YEATS2: variants seen among roughly 807,000 people sequenced by gnomAD.
The protein encoded by YEATS2 is YEATS domain containing 2.
Under a neutral mutation model 163.2 loss-of-function variants are expected in YEATS2, and 77 were observed. The ratio of observed to expected loss-of-function variants is 0.47; its 90% CI spans 0.39 to 0.57. YEATS2 has a LOEUF of 0.57. Ranked by LOEUF, YEATS2 falls within the 20% of genes least tolerant of loss-of-function variation. The pLI, the probability that YEATS2 is intolerant of heterozygous loss-of-function variation, is 0.00. For missense variants in YEATS2, 1,549 were observed against 1,729.8 expected, an observed-to-expected ratio of 0.90 and a Z score of 1.85; for synonymous variants, 631 against 645.1, an observed-to-expected ratio of 0.98 and a Z score of 0.33.
At chr3:183,745,927 A>T (rs561795011) in intron 8 of YEATS2, among the ~76,000 whole-genome samples, 2 of 152,070 alleles carry the variant, frequency 1.3e-5, no homozygotes, top group Non-Finnish European at 2.9e-5. Context: ...AACTTCCTGG[A>T]TTCAAGCAAT....
At chr3:183,749,702 C>T (rs189807364) in intron 9 of YEATS2, among the ~76,000 whole-genome samples, 2 of 152,298 alleles carry the variant, frequency 1.3e-5, no homozygotes, top group African/African-American at 4.8e-5. Context: ...AGTGCAATCA[C>T]GGCTCACTGC....
intron 2 of YEATS2, among the ~76,000 whole-genome samples, chr3:183,716,469 T>C (rs1715891828): frequency 6.6e-6 from 1 of 151,994 alleles, no homozygotes; most frequent in Admixed American, 6.6e-5. Context: ...CCCCAGAAAA[T>C]CTGTATAGAA....
intron 1 of YEATS2, among the ~76,000 whole-genome samples, chr3:183,713,550 G>A (rs1271006629): frequency 6.6e-6 from 1 of 152,212 alleles, no homozygotes; most frequent in African/African-American, 2.4e-5. Context: ...GCAATAGAGT[G>A]AGACTCCGTC....
At chr3:183,808,860 TAAATA>T in intron 29 of YEATS2, 1 of 380,846 alleles carries the variant, frequency 2.6e-6, no homozygotes, top group South Asian at 3.2e-5. Context: ...CATCTCAAAA[TAAATA>T]AATAAATAGA....
intron 1 of YEATS2, among the ~76,000 whole-genome samples, chr3:183,706,926 A>G (rs1237473987): frequency 6.6e-6 from 1 of 152,230 alleles, no homozygotes; most frequent in Non-Finnish European, 1.5e-5. Context: ...GGAAAATTTC[A>G]CACCTGACCT....
In YEATS2 at chr3:183,746,389, G is replaced by T. The variant is rs540551008; in HGVS notation, c.925-1283G>T. On this transcript the variant is annotated intron_variant, in intron 8 of 30. Transcript: ENST00000305135. ...GATTTTTGAAATAATACAGAATAAG[G>T]CTTTGTTTTATAAGAACGCTAAAAA... Among the ~76,000 whole-genome samples the T allele has an allele frequency of 2.0e-4, 30 of 152,260 alleles. 1 individual carries two copies. The South Asian group carries it at 5.6e-3, about 28-fold the overall frequency.
intron 20 of YEATS2, among the ~76,000 whole-genome samples, chr3:183,787,364 C>T (rs1468009770): frequency 6.6e-6 from 1 of 152,160 alleles, no homozygotes; most frequent in African/African-American, 2.4e-5. Flanking sequence ...TCCACAAACT[C>T]ACCCAAACTT....
At chr3:183,735,399 G>A (rs1371159701) in intron 7 of YEATS2, among the ~76,000 whole-genome samples, 1 of 152,182 alleles carries the variant, frequency 6.6e-6, no homozygotes, top group Non-Finnish European at 1.5e-5. Flanking sequence ...CTATACCAAC[G>A]TCACAGCTGC....
rs1278582109 is a variant in YEATS2, at chr3:183,808,118, G to C, written c.4086+14G>C. ...ATGATCCTGAAGGTGGGTGCCTGCA[G>C]GGGCCGCCAGCCAGGAAGGATGGTT... On this transcript the variant is annotated intron_variant, in intron 29 of 30. Transcript: ENST00000305135. 1 of 1,549,328 alleles carries C rather than the reference G, an allele frequency of 6.5e-7. No homozygotes were observed. Among genetic ancestry groups the C allele is most frequent in the Non-Finnish European group, 8.7e-7 (1 of 1,145,236 alleles).
At chr3:183,765,683 A>G (rs1017899372) in intron 15 of YEATS2, among the ~76,000 whole-genome samples, 3 of 152,052 alleles carry the variant, frequency 2.0e-5, no homozygotes, top group Admixed American at 1.3e-4. Flanking sequence ...TGTGTGGTTC[A>G]TGCTTGTAAT....
intron 27 of YEATS2, 25 bp from the exon 28 acceptor site, chr3:183,806,841 G>T (rs1349002522): frequency 1.2e-6 from 2 of 1,613,210 alleles, no homozygotes; most frequent in African/African-American, 2.7e-5. Flanking sequence ...CACAGCTGTT[G>T]TAACACTGCT....
At position 183,777,634 on chromosome 3, in the gene YEATS2, ATCT is replaced by A; in HGVS notation, c.2674_2676del (p.Ser892del). The A allele has an allele frequency of 4.3e-6, 7 of 1,614,220 alleles. No homozygotes were observed. The highest frequency in any genetic ancestry group is 1.1e-5 in the South Asian group (1 of 91,088). On this transcript the variant is annotated inframe_deletion, in exon 19 of 31. Coordinates refer to ENST00000305135, the MANE Select transcript of YEATS2 (RefSeq NM_018023.5). Reference sequence around the variant, plus strand: ...TCCAAGGAACACTGGGAGTCAGCACATCTTCTGCACAAGGACAACAAACGCTAA... The same window carrying A: ...TCCAAGGAACACTGGGAGTCAGCACATCTGCACAAGGACAACAAACGCTAA...
intron 21 of YEATS2, among the ~76,000 whole-genome samples, chr3:183,795,599 C>T (rs750605842): frequency 2.6e-5 from 4 of 151,442 alleles, no homozygotes; most frequent in Non-Finnish European, 4.4e-5. Flanking sequence ...CTGCACTTGG[C>T]CCTACACATT....
intron 17 of YEATS2, among the ~76,000 whole-genome samples, chr3:183,774,986 C>G (rs1360078179): frequency 6.6e-6 from 1 of 152,176 alleles, no homozygotes; most frequent in Admixed American, 6.5e-5. Context: ...TTCCAATAAT[C>G]ACTGGAATGA....
At chr3:183,747,401 T>G (rs573894750) in intron 8 of YEATS2, among the ~76,000 whole-genome samples, 108 of 152,270 alleles carry the variant, frequency 7.1e-4, no homozygotes, top group Non-Finnish European at 1.2e-3. Flanking sequence ...AAACATCTTT[T>G]TGTGTAAAAC....
intron 12 of YEATS2, among the ~76,000 whole-genome samples, chr3:183,757,217 GT>G (rs1393215899): frequency 6.6e-6 from 1 of 151,954 alleles, no homozygotes; most frequent in African/African-American, 2.4e-5. Flanking sequence ...TGCTTTTTAG[GT>G]TTTTTTGAAA....
At position 183,791,105 on chromosome 3, in the gene YEATS2, C is replaced by A. The variant is rs537069855; in HGVS notation, c.3097+125C>A. 1.5e-5 allele frequency: 19 copies of A among 1,277,926 alleles called. No homozygotes were observed. In the African/African-American group the frequency reaches 2.7e-4, roughly 18 times the overall value. 79.2% of individuals were successfully genotyped at this position (1,277,926 alleles called of 1,614,324 possible). A position where few individuals can be genotyped will look rare whatever the true frequency, so the allele number is the denominator to read the frequency against. ...CTAGAGTGCAATATCACAATCTCGA[C>A]TCACTGCAACCTCTGCCTTCCAGGC... On this transcript the variant is annotated intron_variant, in intron 21 of 30. Coordinates refer to ENST00000305135, the MANE Select transcript of YEATS2 (RefSeq NM_018023.5).
intron 6 of YEATS2, 66 bp downstream of exon 6, chr3:183,724,597 TA>T: frequency 8.9e-7 from 1 of 1,119,294 alleles, no homozygotes; most frequent in Non-Finnish European, 1.3e-6. Context: ...TTAATACTCT[TA>T]CAGTGTTACA....
chr3:183,740,890 T>G (rs1347349842), intron 8 of YEATS2, among the ~76,000 whole-genome samples: 3 of 152,186 alleles, frequency 2.0e-5, no homozygotes, highest in Non-Finnish European at 1.5e-5. Context: ...AATGCCTGGC[T>G]TCAGAACATA....
Sources: allele counts gnomAD v4.1 joint callset (sites outside exome capture counted in the v4.1 genomes callset), GRCh38; gene constraint gnomAD v4.1.1; transcripts MANE v1.5; gene names NCBI Gene and HGNC (gene_info 2026-07-23, HGNC 2026-07-21).